LURAP1: variants seen among roughly 807,000 people sequenced by gnomAD.
LURAP1 encodes leucine rich adaptor protein 1.
Under a neutral mutation model 19.0 loss-of-function variants are expected in LURAP1, and 14 were observed. That is an observed-to-expected ratio of 0.74 (90% CI 0.49 to 1.15). LURAP1 has a LOEUF of 1.15. Among genes scored for constraint, LURAP1 ranks in the 50% most tolerant of loss-of-function variants. LURAP1 has a pLI of 0.00. For synonymous variants in LURAP1, 129 were observed against 131.8 expected (o/e 0.98, Z 0.14); for missense variants, 273 against 309.1 (o/e 0.88, Z 0.87).
intron 1 of LURAP1, among the ~76,000 whole-genome samples, chr1:46,208,679 C>T (rs932030918): frequency 6.6e-6 from 1 of 151,948 alleles, no homozygotes; most frequent in East Asian, 1.9e-4. Context: ...CCCATCTCTA[C>T]TAAAAATACA....
intron 1 of LURAP1, among the ~76,000 whole-genome samples, chr1:46,212,464 A>G (rs896155688): frequency 7.3e-5 from 11 of 151,370 alleles, no homozygotes; most frequent in African/African-American, 1.2e-4. Context: ...TGTATTTTTA[A>G]CAGAGACGGG....
At chr1:46,219,276 C>T (rs904710623) in intron 1 of LURAP1, among the ~76,000 whole-genome samples, 4 of 147,232 alleles carry the variant, frequency 2.7e-5, no homozygotes, top group Admixed American at 6.9e-5. Context: ...TCCTGGACAA[C>T]AAGAGCGAAA....
At chr1:46,207,454 G>A (rs1356015786) in intron 1 of LURAP1, among the ~76,000 whole-genome samples, 4 of 152,026 alleles carry the variant, frequency 2.6e-5, no homozygotes, top group Non-Finnish European at 5.9e-5. Flanking sequence ...ACCTGGTTAG[G>A]TTATGGCCCT....
chr1:46,209,485 C>G (rs925275915), intron 1 of LURAP1, among the ~76,000 whole-genome samples: 8 of 151,992 alleles, frequency 5.3e-5, no homozygotes, highest in Non-Finnish European at 7.4e-5. Flanking sequence ...CCAGGTGCCA[C>G]CTAATTCTTT....
chr1:46,208,090 C>T (rs1296925576), intron 1 of LURAP1, among the ~76,000 whole-genome samples: 1 of 150,978 alleles, frequency 6.6e-6, no homozygotes, highest in Non-Finnish European at 1.5e-5. Flanking sequence ...GAACTCCTGG[C>T]CTCAAGTGAT....
At chr1:46,212,175 G>A (rs1377905121) in intron 1 of LURAP1, among the ~76,000 whole-genome samples, 1 of 152,096 alleles carries the variant, frequency 6.6e-6, no homozygotes, top group Non-Finnish European at 1.5e-5. Flanking sequence ...AACATTTACT[G>A]TGTTTGTGTG....
At chr1:46,209,637 C>T (rs1445135804) in intron 1 of LURAP1, among the ~76,000 whole-genome samples, 2 of 151,364 alleles carry the variant, frequency 1.3e-5, no homozygotes, top group Non-Finnish European at 1.5e-5. Flanking sequence ...CTCAGCCTCC[C>T]GAGTAGCTGG....
chr1:46,219,776 G>T lies in LURAP1; in HGVS notation c.276G>T (p.Trp92Cys). The change falls in exon 2 of 2, where the codon TGG becomes TGT. Residue 92 changes from tryptophan to cysteine, a missense_variant. By Grantham distance (215) the Trp-to-Cys change is radical. Coordinates refer to ENST00000371980, the MANE Select transcript of LURAP1 (RefSeq NM_001013615.3). The part of the protein sequence containing the change: ...TLNEGIEAVR[W>C]LLEERGTLTS... ...ATGAGGGCATCGAGGCAGTGCGCTG[G>T]CTGTTGGAGGAGCGGGGGACGTTGA... The T allele has an allele frequency of 5.6e-6, 9 of 1,614,142 alleles. No individual in the cohort carries two copies. The highest frequency in any genetic ancestry group is 7.6e-6 in the Non-Finnish European group (9 of 1,180,012).
chr1:46,210,050 C>T (rs1478327443), intron 1 of LURAP1, among the ~76,000 whole-genome samples: 16 of 152,070 alleles, frequency 1.1e-4, no homozygotes. Context: ...TCTGATATTG[C>T]AGTTATTTAT....
At chr1:46,204,816 T>G (rs553006919) in intron 1 of LURAP1, among the ~76,000 whole-genome samples, 3 of 152,182 alleles carry the variant, frequency 2.0e-5, no homozygotes, top group Non-Finnish European at 4.4e-5. Flanking sequence ...AAACTTTAGC[T>G]CAAGGCCTAG....
In LURAP1 at chr1:46,219,976, A is replaced by G. The variant is rs952470589; in HGVS notation, c.476A>G (p.Gln159Arg). The change falls in exon 2 of 2, where the codon CAG becomes CGG. Residue 159 changes from glutamine to arginine, a missense_variant. Gln to Arg is a conservative substitution (Grantham distance 43). Transcript: ENST00000371980. ...GTGGCCCCCAGCGAGCTGGATGAAC[A>G]GGGCCCACCTGGGGCTCCACGTTCC... ...DTVAPSELDE[Q>R]GPPGAPRSEM... The G allele has an allele frequency of 2.5e-6, 4 of 1,614,260 alleles. No homozygotes were observed.
At chr1:46,211,789 G>A (rs1658905336) in intron 1 of LURAP1, among the ~76,000 whole-genome samples, 1 of 151,986 alleles carries the variant, frequency 6.6e-6, no homozygotes. Flanking sequence ...TTTTGAGACG[G>A]AGTCTTGCTC....
Position 46,220,260 on chromosome 1 carries a change from C to T in LURAP1, c.*40C>T, listed in dbSNP as rs1659200107. Reference sequence around the variant, plus strand: ...TTTTGTAATCCTGTGGCTCTTTTATCCATTAGATGTGGTCTCCCCCAAAAT... The same window carrying T: ...TTTTGTAATCCTGTGGCTCTTTTATTCATTAGATGTGGTCTCCCCCAAAAT... On this transcript the variant is annotated 3_prime_UTR_variant, in exon 2 of 2. Transcript: ENST00000371980. The T allele has an allele frequency of 1.3e-6, 2 of 1,543,904 alleles. No individual in the cohort carries two copies. Among genetic ancestry groups the T allele is most frequent in the East Asian group, 4.5e-5 (2 of 44,230 alleles).
At chr1:46,214,380 T>C (rs558839135) in intron 1 of LURAP1, among the ~76,000 whole-genome samples, 2 of 148,554 alleles carry the variant, frequency 1.3e-5, no homozygotes, top group Middle Eastern at 7.1e-3. Flanking sequence ...AAAAAGCAAC[T>C]TGAATGAAAT....
chr1:46,216,148 G>A (rs1327504843), intron 1 of LURAP1, among the ~76,000 whole-genome samples: 3 of 133,286 alleles, frequency 2.3e-5, no homozygotes, highest in Admixed American at 1.8e-4. Flanking sequence ...CCAGGTTCAC[G>A]CCATTCTCCT....
intron 1 of LURAP1, among the ~76,000 whole-genome samples, chr1:46,208,288 A>G (rs1469755347): frequency 2.0e-5 from 3 of 152,168 alleles, no homozygotes; most frequent in African/African-American, 7.2e-5. Context: ...CACAATGCCA[A>G]GCCAACCACA....
At chr1:46,217,679 A>T (rs1270708933) in intron 1 of LURAP1, among the ~76,000 whole-genome samples, 2 of 152,122 alleles carry the variant, frequency 1.3e-5, no homozygotes, top group African/African-American at 4.8e-5. Flanking sequence ...TAACCTGGTG[A>T]TGCCCTGTCT....
At position 46,217,252 on chromosome 1, in the gene LURAP1, C is replaced by T. The variant is rs190091599; in HGVS notation, c.199-2447C>T. Among the ~76,000 whole-genome samples the T allele has an allele frequency of 1.1e-3, 171 of 152,126 alleles. 1 individual carries two copies. The highest frequency in any genetic ancestry group is 3.8e-3 in the African/African-American group (159 of 41,488). On this transcript the variant is annotated intron_variant, in intron 1 of 1. Transcript: ENST00000371980. Reference sequence around the variant, plus strand: ...GCAGAGGGCTCCTTAAGAGATGCCTCTCAGAAGATGGAATAGATAGAACGT... The same window carrying T: ...GCAGAGGGCTCCTTAAGAGATGCCTTTCAGAAGATGGAATAGATAGAACGT...
intron 1 of LURAP1, among the ~76,000 whole-genome samples, chr1:46,210,499 T>G (rs1658858876): frequency 6.6e-6 from 1 of 152,156 alleles, no homozygotes; most frequent in Non-Finnish European, 1.5e-5. Flanking sequence ...CTTCAGACAC[T>G]AGTCGTAAAT....
Sources: allele counts gnomAD v4.1 joint callset (sites outside exome capture counted in the v4.1 genomes callset), GRCh38; gene constraint gnomAD v4.1.1; transcripts MANE v1.5; gene names NCBI Gene and HGNC (gene_info 2026-07-23, HGNC 2026-07-21).